CENPK: variants seen among roughly 807,000 people sequenced by gnomAD.
The protein encoded by CENPK is centromere protein K, also known as SoxLZ/Sox6-binding protein Solt.
Under a neutral mutation model 40.9 loss-of-function variants are expected in CENPK, and 46 were observed. The observed-to-expected ratio is 1.13, with a 90% CI of 0.89 to 1.44. The LOEUF is 1.44. CENPK is among the 40% of genes most tolerant of loss of function. The pLI, the probability that CENPK is intolerant of heterozygous loss-of-function variation, is 0.00. For synonymous variants in CENPK, 107 were observed against 104.4 expected (o/e 1.02, Z -0.15); for missense variants, 288 against 303.5 (o/e 0.95, Z 0.38).
the CENPK span, among the ~76,000 whole-genome samples, chr5:65,501,068 C>T: frequency 6.6e-6 from 1 of 151,446 alleles, no homozygotes; most frequent in Non-Finnish European, 1.5e-5. Flanking sequence ...GGTTATTGTG[C>T]TTCTCATTTT....
intron 5 of CENPK, among the ~76,000 whole-genome samples, chr5:65,548,004 A>G (rs1304504909): frequency 6.6e-6 from 1 of 152,222 alleles, no homozygotes; most frequent in African/African-American, 2.4e-5. Flanking sequence ...TGATAAGCCT[A>G]CAAAGAAGAC....
the CENPK span, among the ~76,000 whole-genome samples, chr5:65,504,470 A>AC: frequency 6.6e-6 from 1 of 151,580 alleles, no homozygotes; most frequent in Non-Finnish European, 1.5e-5. Flanking sequence ...AAAAAAAAAA[A>AC]AAAAAAACCC....
Position 65,563,144 on chromosome 5 carries a change from G to T in CENPK, c.-188C>A. On this transcript the variant is annotated 5_prime_UTR_variant, in exon 1 of 11. Coordinates refer to ENST00000396679, the MANE Select transcript of CENPK (RefSeq NM_022145.5). The stretch of plus-strand genomic sequence containing the variant: ...AGGTCGCCTAGGCGCTGCGCAGGAA[G>T]CGCTTGCCAGCCCCGGACTTCTGCG... The T allele has an allele frequency of 1.2e-6, 1 of 845,942 alleles. No individual in the cohort carries two copies. The highest frequency in any genetic ancestry group is 1.8e-6 in the Non-Finnish European group (1 of 561,598). 52.4% of individuals were successfully genotyped at this position (845,942 alleles called of 1,614,324 possible).
At chr5:65,516,562 A>G (rs1023363430), downstream of CENPK, among the ~76,000 whole-genome samples, 2 of 152,228 alleles carry the variant, frequency 1.3e-5, no homozygotes, top group African/African-American at 4.8e-5. Context: ...GAAAAATAAT[A>G]GCATGTATCA....
intron 6 of CENPK, among the ~76,000 whole-genome samples, chr5:65,538,205 C>A (rs570031215): frequency 1.3e-5 from 2 of 152,182 alleles, no homozygotes; most frequent in South Asian, 4.1e-4. Context: ...TTTAAATTCT[C>A]GTTGGTTCCC....
intron 2 of CENPK, chr5:65,561,253 T>C (rs1751904096): frequency 4.2e-6 from 1 of 236,928 alleles, no homozygotes; most frequent in Non-Finnish European, 8.8e-6. Flanking sequence ...ATCATGAATT[T>C]TAGAATATTT....
downstream of CENPK, among the ~76,000 whole-genome samples, chr5:65,515,617 T>C (rs532416230): frequency 2.0e-5 from 3 of 152,314 alleles, no homozygotes; most frequent in East Asian, 3.9e-4. Context: ...ACAAGTATTT[T>C]GGGATTTTCC....
intron 6 of CENPK, among the ~76,000 whole-genome samples, chr5:65,540,336 A>G (rs116154774): frequency 0.019 from 2,920 of 152,320 alleles, 70 homozygotes; most frequent in African/African-American, 0.058. Context: ...CAGGAATGCA[A>G]TTCAGCTCTC....
Position 65,518,505 on chromosome 5 carries a change from G to T in CENPK, c.780C>A (p.Thr260=). 1 of 1,612,412 alleles carries T rather than the reference G, an allele frequency of 6.2e-7. No homozygotes were observed. The highest frequency in any genetic ancestry group is 8.5e-7 in the Non-Finnish European group (1 of 1,179,556). Residue 260 remains threonine, a synonymous_variant, in exon 11 of 11, where the codon ACC becomes ACA. Transcript: ENST00000396679. ...GIALRHPEDP[T]RIRLEAFHQ ...GATGGAAAGCTTCTAATCTTATTCGGGTTGGATCTTCTGGATGTCTCAAGG... is the reference window on the plus strand; with the variant it reads ...GATGGAAAGCTTCTAATCTTATTCGTGTTGGATCTTCTGGATGTCTCAAGG...
chr5:65,552,455 A>G, intron 4 of CENPK, 38 bp downstream of exon 4: 2 of 1,325,328 alleles, frequency 1.5e-6, no homozygotes, highest in Non-Finnish European at 2.1e-6. Flanking sequence ...AATTAATTCC[A>G]CTTACCTTGT....
intron 6 of CENPK, chr5:65,541,328 C>T (rs1056849944): frequency 1.3e-5 from 6 of 453,604 alleles, no homozygotes; most frequent in East Asian, 1.4e-4. Context: ...TGGGACTGAG[C>T]GCTCAACCTG....
At chr5:65,540,106 A>C (rs754144351) in intron 6 of CENPK, among the ~76,000 whole-genome samples, 2 of 152,148 alleles carry the variant, frequency 1.3e-5, no homozygotes, top group Non-Finnish European at 2.9e-5. Flanking sequence ...GTTCTTTCCC[A>C]AACAGCCTTT....
chr5:65,532,183 G>C (rs181633814), intron 6 of CENPK, among the ~76,000 whole-genome samples: 41 of 152,152 alleles, frequency 2.7e-4, no homozygotes, highest in African/African-American at 9.6e-4. Flanking sequence ...AGCTCATTTA[G>C]ACAAATAAGA....
the CENPK span, among the ~76,000 whole-genome samples, chr5:65,509,450 T>C: frequency 1.6e-4 from 25 of 152,364 alleles, no homozygotes; most frequent in African/African-American, 5.8e-4. Flanking sequence ...GGTTCTTCCA[T>C]GTCTTTTCAT....
intron 5 of CENPK, among the ~76,000 whole-genome samples, chr5:65,546,190 T>C (rs756907708): frequency 5.3e-5 from 8 of 151,660 alleles, no homozygotes; most frequent in Non-Finnish European, 1.0e-4. Context: ...TAACTAGTTA[T>C]ATGTTCTAGT....
chr5:65,523,528 C>A (rs1285750413), intron 9 of CENPK, among the ~76,000 whole-genome samples: 1 of 152,082 alleles, frequency 6.6e-6, no homozygotes, highest in East Asian at 1.9e-4. Context: ...CGAGCAGGCT[C>A]TGAAAATCTA....
At chr5:65,495,972 A>C in the CENPK span, among the ~76,000 whole-genome samples, 1 of 152,218 alleles carries the variant, frequency 6.6e-6, no homozygotes, top group Non-Finnish European at 1.5e-5. Flanking sequence ...CAAGAGCCTT[A>C]GTGGCCAGGC....
At chr5:65,496,443 C>T in the CENPK span, among the ~76,000 whole-genome samples, 1 of 152,056 alleles carries the variant, frequency 6.6e-6, no homozygotes, top group East Asian at 1.9e-4. Flanking sequence ...AATCCAGTAG[C>T]CTTAAAAATG....
chr5:65,545,501 C>T (rs1386003860), intron 5 of CENPK, among the ~76,000 whole-genome samples: 1 of 151,968 alleles, frequency 6.6e-6, no homozygotes, highest in African/African-American at 2.4e-5. Context: ...AATTGCACAT[C>T]CAGTGAAAAT....
Sources: allele counts gnomAD v4.1 joint callset (sites outside exome capture counted in the v4.1 genomes callset), GRCh38; gene constraint gnomAD v4.1.1; transcripts MANE v1.5; gene names NCBI Gene and HGNC (gene_info 2026-07-23, HGNC 2026-07-21).